The following PKN2 variants were observed in gnomAD, a reference collection of about 807,000 sequenced individuals.
PKN2 encodes the protein protein kinase N2.
In PKN2, 38 loss-of-function variants were observed where a neutral mutation model predicts 119.1. The ratio of observed to expected loss-of-function variants is 0.32; its 90% CI spans 0.25 to 0.42. PKN2 has a LOEUF of 0.42. Ranked by LOEUF, PKN2 falls within the 10% of genes least tolerant of loss-of-function variation. The probability of loss-of-function intolerance (pLI) is 1.00; values close to 1 mark genes in which losing one functional copy is unlikely to be tolerated. For synonymous variants in PKN2, 390 were observed against 384.9 expected (o/e 1.01, Z -0.15); for missense variants, 850 against 1,165.1 (o/e 0.73, Z 3.94).
intron 15 of PKN2, among the ~76,000 whole-genome samples, chr1:88,812,015 G>A (rs922459912): frequency 3.9e-5 from 6 of 152,090 alleles, no homozygotes; most frequent in Non-Finnish European, 5.9e-5. Context: ...AATTTAGAGG[G>A]AAATGTTCTG....
intron 5 of PKN2, 27 bp downstream of exon 5, chr1:88,771,593 G>A (rs769365002): frequency 3.2e-6 from 5 of 1,560,582 alleles, no homozygotes; most frequent in Middle Eastern, 1.8e-4. Context: ...ATTTTTATTT[G>A]GTTTAATAAA....
At chr1:88,713,741 T>G (rs1315918694) in intron 1 of PKN2, among the ~76,000 whole-genome samples, 1 of 152,234 alleles carries the variant, frequency 6.6e-6, no homozygotes, top group Non-Finnish European at 1.5e-5. Context: ...CTGTTCACTC[T>G]GATGGTAGTT....
intron 2 of PKN2, among the ~76,000 whole-genome samples, chr1:88,757,400 G>T (rs894692101): frequency 6.6e-6 from 1 of 152,140 alleles, no homozygotes; most frequent in Admixed American, 6.5e-5. Flanking sequence ...CTGGCCTTAA[G>T]TGATTCTGCT....
intron 6 of PKN2, among the ~76,000 whole-genome samples, chr1:88,782,320 T>C (rs1670377625): frequency 6.6e-6 from 1 of 152,158 alleles, no homozygotes; most frequent in South Asian, 2.1e-4. Context: ...TTTAGTGTTC[T>C]TTGAACTTCT....
intron 3 of PKN2, among the ~76,000 whole-genome samples, chr1:88,766,360 AAC>A (rs1669669357): frequency 6.6e-6 from 1 of 152,208 alleles, no homozygotes; most frequent in African/African-American, 2.4e-5. Flanking sequence ...TACTAATAAG[AAC>A]AATGATTGGC....
In PKN2 at chr1:88,813,666, G is replaced by C; in HGVS notation, c.2212G>C (p.Glu738Gln). 6.2e-7 allele frequency: 1 copy of C among 1,608,704 alleles called. No individual in the cohort carries two copies. Residue 738 changes from glutamate to glutamine, a missense_variant, in exon 16 of 22, where the codon GAA (glutamate) becomes CAA (glutamine). By Grantham distance (29) the Glu-to-Gln change is conservative (BLOSUM62 2). Coordinates refer to ENST00000370521, the MANE Select transcript of PKN2 (RefSeq NM_006256.4). ...CAAAGAGCATGTTTGCTTTGTAATG[G>C]AATATGCTGCCGGTGGGGACCTAAT... ...QTKEHVCFVMEYAAGGDLMMH... is the reference protein window; with the variant it reads ...QTKEHVCFVMQYAAGGDLMMH...
intron 1 of PKN2, among the ~76,000 whole-genome samples, chr1:88,730,151 C>A (rs893518045): frequency 6.6e-6 from 1 of 150,510 alleles, no homozygotes. Context: ...GGCGACAGAA[C>A]GAGACTCCGT....
intron 6 of PKN2, among the ~76,000 whole-genome samples, chr1:88,783,442 C>T (rs887639843): frequency 6.6e-6 from 1 of 151,148 alleles, no homozygotes; most frequent in African/African-American, 2.5e-5. Flanking sequence ...GATCACTATT[C>T]GTCTTTAACC....
At chr1:88,787,756 A>T (rs1347435493) in intron 8 of PKN2, among the ~76,000 whole-genome samples, 2 of 152,224 alleles carry the variant, frequency 1.3e-5, no homozygotes, top group African/African-American at 4.8e-5. Flanking sequence ...CCACTTTGGA[A>T]TAATGCTCCT....
chr1:88,743,179 G>T (rs540626031), intron 2 of PKN2, among the ~76,000 whole-genome samples: 2 of 152,140 alleles, frequency 1.3e-5, no homozygotes, highest in Non-Finnish European at 2.9e-5. Context: ...AACAGAGAGC[G>T]ATTCTGTCTC....
chr1:88,691,834 G>T (rs1290962804), intron 1 of PKN2, among the ~76,000 whole-genome samples: 1 of 151,748 alleles, frequency 6.6e-6, no homozygotes, highest in African/African-American at 2.4e-5. Flanking sequence ...TACTTTGAGA[G>T]AAACCACACT....
At chr1:88,758,038 CAAAAAAAAAAAAAA>C (rs33914457) in intron 2 of PKN2, among the ~76,000 whole-genome samples, 1 of 59,056 alleles carries the variant, frequency 1.7e-5, no homozygotes, top group African/African-American at 6.8e-5. Flanking sequence ...GAGACTATCT[CAAAAAAAAAAAAAA>C]AAAAAAAAAA....
At chr1:88,702,478 C>G (rs1256778474) in intron 1 of PKN2, among the ~76,000 whole-genome samples, 2 of 151,968 alleles carry the variant, frequency 1.3e-5, no homozygotes, top group African/African-American at 4.8e-5. Flanking sequence ...TAAAGTTGGC[C>G]TTGATATATT....
chr1:88,805,626 T>C lies in PKN2; in HGVS notation c.1631T>C (p.Val544Ala). Reference protein sequence around the residue: ...FSPQAPVPTTVPVVDVRIPQL... With the variant: ...FSPQAPVPTTAPVVDVRIPQL... ...CCTCAAGCTCCTGTGCCTACTACAG[T>C]GCCAGTGGTTGATGTACGCATCCCT... Residue 544 changes from valine to alanine, a missense_variant, in exon 11 of 22, where the codon GTG becomes GCG. By Grantham distance (64) the Val-to-Ala change is moderately conservative (BLOSUM62 0). Transcript: ENST00000370521. 6.2e-7 allele frequency: 1 copy of C among 1,614,126 alleles called. No homozygotes were observed. Among genetic ancestry groups the C allele is most frequent in the South Asian group, 1.1e-5 (1 of 91,082 alleles).
intron 1 of PKN2, among the ~76,000 whole-genome samples, chr1:88,730,328 A>G (rs1220823996): frequency 1.3e-5 from 2 of 152,102 alleles, no homozygotes; most frequent in African/African-American, 4.8e-5. Context: ...AGAAACAAGA[A>G]GTAGAAAGGT....
intron 1 of PKN2, among the ~76,000 whole-genome samples, chr1:88,703,064 C>T (rs915300467): frequency 3.9e-5 from 6 of 152,128 alleles, no homozygotes; most frequent in African/African-American, 1.2e-4. Context: ...CCTACCTTCC[C>T]GCACTCCTTG....
At chr1:88,685,214 C>T (rs957875191) in intron 1 of PKN2, 2 of 152,070 alleles carry the variant, frequency 1.3e-5, no homozygotes, top group African/African-American at 2.4e-5. Flanking sequence ...GAGTTTCTTT[C>T]CTCTATTTTG....
chr1:88,733,229 A>C (rs1236691575), intron 1 of PKN2, among the ~76,000 whole-genome samples: 1 of 152,164 alleles, frequency 6.6e-6, no homozygotes, highest in Non-Finnish European at 1.5e-5. Flanking sequence ...TTATCGGATC[A>C]TGTGGTAGTT....
intron 1 of PKN2, among the ~76,000 whole-genome samples, chr1:88,727,563 G>A (rs1381797075): frequency 2.0e-5 from 3 of 152,152 alleles, no homozygotes; most frequent in South Asian, 4.1e-4. Context: ...TGGTATGTGA[G>A]GGCTTAAGTT....
Sources: gnomAD v4.1 joint callset for allele counts (sites outside exome capture counted in the v4.1 genomes callset) on GRCh38, gnomAD v4.1.1 for gene constraint, MANE v1.5 for transcripts, NCBI Gene and HGNC (gene_info 2026-07-23, HGNC 2026-07-21) for gene names.